Variants in ABAT observed in about 807,000 individuals in gnomAD.
ABAT encodes the protein 4-aminobutyrate aminotransferase.
Under a neutral mutation model 64.6 loss-of-function variants are expected in ABAT, and 45 were observed. That is an observed-to-expected ratio of 0.70 (90% CI 0.55 to 0.89). The LOEUF (loss-of-function observed/expected upper bound fraction) is 0.89, where lower values mean the gene tolerates loss of function less well. Among genes scored for constraint, ABAT ranks in the 40% least tolerant of loss-of-function variants. ABAT has a pLI of 0.00. For synonymous variants in ABAT, 297 were observed against 250.5 expected (o/e 1.19, Z -1.75); for missense variants, 633 against 658.4 (o/e 0.96, Z 0.42).
chr16:8,772,751 C>A, intron 11 of ABAT, 29 bp from the exon 12 acceptor site: 2 of 1,613,928 alleles, frequency 1.2e-6, no homozygotes, highest in Non-Finnish European at 1.7e-6. Context: ...CCTCTGCCAT[C>A]GGTGGTCACT....
chr16:8,745,893 C>T, intron 2 of ABAT, 108 bp from the exon 3 acceptor site: 1 of 1,070,048 alleles, frequency 9.3e-7, no homozygotes, highest in Non-Finnish European at 1.4e-6. Context: ...TGGGATGAGG[C>T]TAAGGTCCTG....
chr16:8,754,401 A>G (rs772171534), intron 5 of ABAT, among the ~76,000 whole-genome samples: 4 of 151,978 alleles, frequency 2.6e-5, no homozygotes, highest in Non-Finnish European at 5.9e-5. Context: ...GTGGATTCTG[A>G]GATTAGCCGG....
chr16:8,714,866 C>T (rs986099302), intron 1 of ABAT: 5 of 152,596 alleles, frequency 3.3e-5, no homozygotes, highest in African/African-American at 1.2e-4. Context: ...ATACGCTCAC[C>T]CTCAGACACA....
At chr16:8,728,074 G>C (rs1596427812) in intron 1 of ABAT, among the ~76,000 whole-genome samples, 1 of 65,198 alleles carries the variant, frequency 1.5e-5, no homozygotes, top group Admixed American at 1.3e-4. Flanking sequence ...CTGTCAGAGA[G>C]AGAGAGAGAG....
intron 2 of ABAT, among the ~76,000 whole-genome samples, chr16:8,737,768 C>A (rs866223222): frequency 7.6e-5 from 11 of 144,706 alleles, no homozygotes; most frequent in Admixed American, 1.4e-4. Context: ...ACTAAAAATA[C>A]AAAAAAAAAA....
intron 5 of ABAT, among the ~76,000 whole-genome samples, chr16:8,754,722 C>CTTTCTTTCTTTT: frequency 7.5e-6 from 1 of 133,132 alleles, no homozygotes; most frequent in African/African-American, 2.9e-5. Flanking sequence ...TTCTTTCTTT[C>CTTTCTTTCTTTT]TTTTTTTTTT....
At chr16:8,738,628 G>GTTTT (rs879122746) in intron 2 of ABAT, among the ~76,000 whole-genome samples, 2 of 125,506 alleles carry the variant, frequency 1.6e-5, no homozygotes, top group Non-Finnish European at 3.3e-5. Context: ...TTTTGTTTTT[G>GTTTT]TTTTTTTTTT....
chr16:8,743,007 T>TAAAAA lies in ABAT; in HGVS notation c.71-2978_71-2974dup, dbSNP rs71152928. ...GCAACATAGCGAGACCTCATTTCTTTAAAAAAAAAAAAAAAAAAAAGTCAT... is the reference window on the plus strand; with the variant it reads ...GCAACATAGCGAGACCTCATTTCTTTAAAAAAAAAAAAAAAAAAAAAAAAAGTCAT... On this transcript the variant is annotated intron_variant, in intron 2 of 15. Transcript: ENST00000268251. Among the ~76,000 whole-genome samples, 60 of 124,238 alleles carry TAAAAA rather than the reference T, an allele frequency of 4.8e-4. 2 individuals are homozygous for TAAAAA. Among genetic ancestry groups the TAAAAA allele is most frequent in the South Asian group, 3.3e-3 (12 of 3,650 alleles). The allele number at this position is 124,238 out of a possible 152,430, so 81.5% of individuals were successfully genotyped here.
chr16:8,705,203 T>C (rs186629245), intron 1 of ABAT, among the ~76,000 whole-genome samples: 1 of 152,106 alleles, frequency 6.6e-6, no homozygotes, highest in East Asian at 1.9e-4. Context: ...CCTCAGGAAA[T>C]TTACAATCAT....
In ABAT at chr16:8,781,715, G is replaced by C; in HGVS notation, c.*285G>C. On this transcript the variant is annotated 3_prime_UTR_variant, in exon 16 of 16. Transcript: ENST00000268251. This position sits in a 1 kb window ranked among gnomAD's most constrained non-coding sequence, Gnocchi z 4.5. Reference sequence around the variant, plus strand: ...GAAGGGCCATGGGAGGTCCTGGCTAGAGTTCTGCCCAACCTTGACCAACCC... The same window carrying C: ...GAAGGGCCATGGGAGGTCCTGGCTACAGTTCTGCCCAACCTTGACCAACCC... The C allele has an allele frequency of 3.9e-6, 2 of 510,352 alleles. No homozygotes were observed. The highest frequency in any genetic ancestry group is 3.6e-6 in the Non-Finnish European group (1 of 281,308). The allele number at this position is 510,352 out of a possible 1,614,324, so 31.6% of individuals were successfully genotyped here.
At chr16:8,682,557 A>T (rs1046467750) in intron 1 of ABAT, among the ~76,000 whole-genome samples, 3 of 151,990 alleles carry the variant, frequency 2.0e-5, no homozygotes, top group African/African-American at 7.3e-5. Flanking sequence ...GGCGGCCAGA[A>T]TGCTCCCAAC....
At chr16:8,699,191 C>A (rs1465141716) in intron 1 of ABAT, among the ~76,000 whole-genome samples, 5 of 152,180 alleles carry the variant, frequency 3.3e-5, no homozygotes, top group African/African-American at 1.2e-4. Flanking sequence ...TAGATGCCAC[C>A]TCCCAGTGAG....
rs1265026042 is a variant in ABAT at position 8,764,270 on chromosome 16, A to T, written c.447+121A>T. On this transcript the variant is annotated intron_variant, in intron 7 of 15. Coordinates refer to ENST00000268251, the MANE Select transcript of ABAT (RefSeq NM_020686.6). The surrounding 1 kb of genome is among the most constrained non-coding windows in gnomAD (Gnocchi z 4.2). ...TACAGAAATCTTTCTCTCTGAGCTT[A>T]TTCTTCCATGCAGAGTATTTTAAAT... 3 of 881,266 alleles carry T rather than the reference A, an allele frequency of 3.4e-6. No homozygotes were observed. The highest frequency in any genetic ancestry group is 1.7e-5 in the African/African-American group (1 of 60,484). The allele number at this position is 881,266 out of a possible 1,614,324, so 54.6% of individuals were successfully genotyped here.
chr16:8,732,842 G>A (rs1386860322), intron 1 of ABAT, among the ~76,000 whole-genome samples: 1 of 151,096 alleles, frequency 6.6e-6, no homozygotes, highest in Non-Finnish European at 1.5e-5. Flanking sequence ...CGGCTGGCCG[G>A]GCAGAGGGGC....
intron 2 of ABAT, among the ~76,000 whole-genome samples, chr16:8,737,721 G>A (rs538907036): frequency 7.3e-5 from 11 of 149,712 alleles, no homozygotes; most frequent in Non-Finnish European, 1.2e-4. Flanking sequence ...TCAGAAGTTC[G>A]AGACCAGCCT....
intron 6 of ABAT, among the ~76,000 whole-genome samples, chr16:8,761,985 CCTTCTCCTTCTCCTT>C (rs1299880345): frequency 1.2e-3 from 100 of 84,448 alleles, no homozygotes; most frequent in East Asian, 0.01. Flanking sequence ...TCTTCCTTCT[CCTTCTCCTTCTCCTT>C]CTTCTCCTTC....
At chr16:8,690,272 C>T (rs1253074266) in intron 1 of ABAT, among the ~76,000 whole-genome samples, 1 of 152,138 alleles carries the variant, frequency 6.6e-6, no homozygotes, top group Non-Finnish European at 1.5e-5. Context: ...TGGAGTGTCC[C>T]TTAAGGTGGA....
At chr16:8,720,292 G>A (rs2058330284) in intron 1 of ABAT, among the ~76,000 whole-genome samples, 1 of 152,194 alleles carries the variant, frequency 6.6e-6, no homozygotes, top group South Asian at 2.1e-4. Flanking sequence ...GATGAGTTCA[G>A]CAACTTGCCT....
At chr16:8,749,759 G>A (rs1241143358) in intron 4 of ABAT, among the ~76,000 whole-genome samples, 1 of 151,614 alleles carries the variant, frequency 6.6e-6, no homozygotes, top group African/African-American at 2.4e-5. Context: ...TGTCGCCCCA[G>A]GTTGGAGTGT....
Sources: gnomAD v4.1 joint callset for allele counts (sites outside exome capture counted in the v4.1 genomes callset) on GRCh38, gnomAD v4.1.1 for gene constraint, Gnocchi (gnomAD v3.1) non-coding constraint, MANE v1.5 for transcripts, NCBI Gene and HGNC (gene_info 2026-07-23, HGNC 2026-07-21) for gene names.